Variants in SIK2 observed in about 807,000 individuals in gnomAD.
SIK2 encodes serine/threonine-protein kinase SIK2.
Under a neutral mutation model 103.2 loss-of-function variants are expected in SIK2, and 29 were observed. The ratio of observed to expected loss-of-function variants is 0.28; its 90% confidence interval spans 0.21 to 0.38. The LOEUF (loss-of-function observed/expected upper bound fraction) is 0.38, where lower values mean the gene tolerates loss of function less well. Ranked by LOEUF, SIK2 falls within the 10% of genes least tolerant of loss-of-function variation. The pLI, the probability that SIK2 is intolerant of heterozygous loss-of-function variation, is 1.00. For synonymous variants in SIK2, 412 were observed against 446.1 expected (o/e 0.92, Z 0.96); for missense variants, 879 against 1,171.0 (o/e 0.75, Z 3.64).
In SIK2 at chr11:111,721,841, TCAG is replaced by T. The variant is rs1943811339; in HGVS notation, c.1963_1965del (p.Gln655del). 1 of 1,607,550 alleles carries T rather than the reference TCAG, an allele frequency of 6.2e-7. No homozygotes were observed. The highest frequency in any genetic ancestry group is 1.7e-5 in the Admixed American group (1 of 58,536). On this transcript the variant is annotated inframe_deletion, in exon 13 of 15. Transcript: ENST00000304987. ...CCCTTGCTCCTCAGGAAGAAGTTTC[TCAG>T]CAGCAGGAAAGCGTCTCCACTCTCC...
intron 3 of SIK2, among the ~76,000 whole-genome samples, chr11:111,651,463 T>C (rs546147969): frequency 2.2e-4 from 33 of 152,256 alleles, no homozygotes; most frequent in African/African-American, 7.5e-4. Context: ...TTCTCACTTA[T>C]AAGTGGGAGC....
intron 4 of SIK2, among the ~76,000 whole-genome samples, chr11:111,691,485 C>T (rs1317037816): frequency 1.3e-5 from 2 of 152,114 alleles, no homozygotes; most frequent in Non-Finnish European, 2.9e-5. Context: ...AAGTAGCAGA[C>T]CTGGAATTCA....
In SIK2 at chr11:111,730,611, G is replaced by GA. The variant is rs1301928766; in HGVS notation, c.*6489dup. ...CTGTGTGCTTTTTTTTAATTACTAA[G>GA]AAAAAAATTGGTGAGTTCAGTAGCT... is the stretch of plus-strand genomic sequence containing the variant. On this transcript the variant is annotated 3_prime_UTR_variant, in exon 15 of 15. Coordinates refer to ENST00000304987, the MANE Select transcript of SIK2 (RefSeq NM_015191.3). 3 of 151,496 alleles carry GA rather than the reference G, an allele frequency of 2.0e-5. No homozygotes were observed. Among genetic ancestry groups the GA allele is most frequent in the African/African-American group, 7.3e-5 (3 of 41,290 alleles). The allele number at this position is 151,496 out of a possible 1,614,324, so 9.4% of individuals were successfully genotyped here. A position where few individuals can be genotyped will look rare whatever the true frequency, so the allele number is the denominator to read the frequency against.
chr11:111,688,288 C>A lies in SIK2; in HGVS notation c.478+126C>A, dbSNP rs2135894517. ...TGATGACATCAGGCTATCTCAAAGT[C>A]CATTTTATTCATTTCCTTAGTTCTG... On this transcript the variant is annotated intron_variant, in intron 4 of 14. Coordinates refer to ENST00000304987, the MANE Select transcript of SIK2 (RefSeq NM_015191.3). The surrounding 1 kb of genome is among the most constrained non-coding windows in gnomAD (Gnocchi z 4.2). 1 of 880,288 alleles carries A rather than the reference C, an allele frequency of 1.1e-6. No homozygotes were observed. The highest frequency in any genetic ancestry group is 2.5e-5 in the East Asian group (1 of 39,520). 54.5% of individuals were successfully genotyped at this position (880,288 alleles called of 1,614,324 possible). A position where few individuals can be genotyped will look rare whatever the true frequency, so the allele number is the denominator to read the frequency against.
intron 7 of SIK2, among the ~76,000 whole-genome samples, chr11:111,704,722 A>G (rs1281977418): frequency 6.6e-6 from 1 of 152,172 alleles, no homozygotes; most frequent in Non-Finnish European, 1.5e-5. Flanking sequence ...ATTTTCTCTG[A>G]CTGGAGAAAA....
chr11:111,717,916 TA>T (rs1943692582), intron 9 of SIK2, among the ~76,000 whole-genome samples: 1 of 152,032 alleles, frequency 6.6e-6, no homozygotes, highest in Non-Finnish European at 1.5e-5. Context: ...TGGGGCCTGT[TA>T]GGGGGGCAAT....
chr11:111,669,665 C>T lies in SIK2; in HGVS notation c.317-18336C>T, dbSNP rs1461282946. On this transcript the variant is annotated intron_variant, in intron 3 of 14. Coordinates refer to ENST00000304987, the MANE Select transcript of SIK2 (RefSeq NM_015191.3). ...AATACTAATAGACTGAGTTGGAAAA[C>T]TTGGTAAACAAGCAATTAGGTTGTT... is the stretch of plus-strand genomic sequence containing the variant. Among the ~76,000 whole-genome samples the T allele has an allele frequency of 2.7e-5, 4 of 149,342 alleles. No homozygotes were observed. In the East Asian group the frequency reaches 8.0e-4, roughly 30 times the overall value.
chr11:111,619,883 C>T (rs1179129535), intron 2 of SIK2, among the ~76,000 whole-genome samples: 1 of 152,144 alleles, frequency 6.6e-6, no homozygotes, highest in Non-Finnish European at 1.5e-5. Flanking sequence ...CTAAAGTACT[C>T]TATTTTTTTA....
At chr11:111,631,050 G>A (rs139151615) in intron 3 of SIK2, among the ~76,000 whole-genome samples, 2 of 152,248 alleles carry the variant, frequency 1.3e-5, no homozygotes, top group Non-Finnish European at 2.9e-5. Flanking sequence ...GAGACAATGG[G>A]ATTAAGGGCA....
chr11:111,613,372 G>T (rs894623064), intron 1 of SIK2, among the ~76,000 whole-genome samples: 6 of 152,016 alleles, frequency 3.9e-5, no homozygotes, highest in African/African-American at 1.2e-4. Context: ...TTTCCTGGGG[G>T]CAGGGGGTGC....
chr11:111,690,956 G>T (rs1013844615), intron 4 of SIK2, among the ~76,000 whole-genome samples: 1 of 152,170 alleles, frequency 6.6e-6, no homozygotes, highest in African/African-American at 2.4e-5. Context: ...TTTAGGCAGA[G>T]AAAGGTTATA....
chr11:111,628,433 TC>T (rs1941991407), intron 3 of SIK2, among the ~76,000 whole-genome samples: 3 of 147,666 alleles, frequency 2.0e-5, no homozygotes, highest in African/African-American at 7.4e-5. Context: ...TTTCTTTCTT[TC>T]TTTCTTTCTT....
chr11:111,723,750 C>T lies in SIK2; in HGVS notation c.2402C>T (p.Pro801Leu). Residue 801 changes from proline to leucine, a missense_variant, in exon 15 of 15, where the codon CCC becomes CTC. By Grantham distance (98) the Pro-to-Leu change is moderately conservative (BLOSUM62 -3). Coordinates refer to ENST00000304987, the MANE Select transcript of SIK2 (RefSeq NM_015191.3). ...CAGTACCAAGAGATGCAGCTTCAGC[C>T]CCTGCCCTCCACTTCCGGTCCCCGG... is the stretch of plus-strand genomic sequence containing the variant. Reference protein sequence around the residue: ...LSQYQEMQLQPLPSTSGPRAA... With the variant: ...LSQYQEMQLQLLPSTSGPRAA... The T allele has an allele frequency of 6.2e-7, 1 of 1,614,110 alleles. No individual in the cohort carries two copies. Among genetic ancestry groups the T allele is most frequent in the Non-Finnish European group, 8.5e-7 (1 of 1,180,048 alleles).
chr11:111,636,967 G>A (rs550920796), intron 3 of SIK2, among the ~76,000 whole-genome samples: 5 of 152,232 alleles, frequency 3.3e-5, no homozygotes, highest in African/African-American at 1.2e-4. Context: ...TTTGGTGTGG[G>A]TCTATTTCAA....
At chr11:111,715,389 C>T (rs956178320) in intron 9 of SIK2, among the ~76,000 whole-genome samples, 2 of 152,192 alleles carry the variant, frequency 1.3e-5, no homozygotes, top group Admixed American at 1.3e-4. Context: ...CTGTAACACC[C>T]ATTTGTTGTT....
intron 3 of SIK2, among the ~76,000 whole-genome samples, chr11:111,673,747 A>G (rs1942659761): frequency 6.6e-6 from 1 of 152,210 alleles, no homozygotes; most frequent in South Asian, 2.1e-4. Context: ...TATAAAACTG[A>G]TAACCTTTGA....
chr11:111,671,617 T>C, intron 3 of SIK2: 1 of 345,728 alleles, frequency 2.9e-6, no homozygotes, highest in Non-Finnish European at 5.6e-6. Flanking sequence ...GATGATGCTG[T>C]CCATGTCCAG....
At chr11:111,638,328 A>G (rs868738797) in intron 3 of SIK2, among the ~76,000 whole-genome samples, 14 of 152,296 alleles carry the variant, frequency 9.2e-5, no homozygotes, top group Non-Finnish European at 1.9e-4. Context: ...CTACTGGGGT[A>G]GAAATCAGGG....
At chr11:111,656,575 G>A (rs1235621758) in intron 3 of SIK2, among the ~76,000 whole-genome samples, 1 of 152,130 alleles carries the variant, frequency 6.6e-6, no homozygotes, top group African/African-American at 2.4e-5. Context: ...ACTCATTAAG[G>A]TTAATGGAAA....
Sources: gnomAD v4.1 joint callset for allele counts (sites outside exome capture counted in the v4.1 genomes callset) on GRCh38, gnomAD v4.1.1 for gene constraint, Gnocchi (gnomAD v3.1) non-coding constraint, MANE v1.5 for transcripts, NCBI Gene and HGNC (gene_info 2026-07-23, HGNC 2026-07-21) for gene names.